Variants in DDHD1 observed in about 807,000 individuals in gnomAD.
DDHD1 encodes the protein phospholipase DDHD1.
Under a neutral mutation model 96.4 loss-of-function variants are expected in DDHD1, and 49 were observed. The ratio of observed to expected loss-of-function variants is 0.51; its 90% CI spans 0.40 to 0.64. The LOEUF (loss-of-function observed/expected upper bound fraction) is 0.64, where lower values mean the gene tolerates loss of function less well. Ranked by LOEUF, DDHD1 falls within the 30% of genes least tolerant of loss-of-function variation. The pLI is 0.00. For missense variants in DDHD1, 1,106 were observed against 1,161.2 expected (o/e 0.95, Z 0.69); for synonymous variants, 442 against 446.5 (o/e 0.99, Z 0.13).
At chr14:53,072,849 C>G in intron 5 of DDHD1, 146 bp from the exon 6 acceptor site, 1 of 453,564 alleles carries the variant, frequency 2.2e-6, no homozygotes, top group Non-Finnish European at 4.0e-6. Flanking sequence ...TCTAATGGAT[C>G]TTCCCTTCCT....
At chr14:53,082,798 T>C (rs1054089066) in intron 4 of DDHD1, among the ~76,000 whole-genome samples, 3 of 150,652 alleles carry the variant, frequency 2.0e-5, no homozygotes, top group Non-Finnish European at 4.4e-5. Flanking sequence ...TGCTTCATTG[T>C]CCAATGCTGC....
At chr14:53,115,929 T>C (rs951964654) in intron 1 of DDHD1, among the ~76,000 whole-genome samples, 2 of 152,080 alleles carry the variant, frequency 1.3e-5, no homozygotes, top group African/African-American at 4.8e-5. Context: ...AGATACAGAC[T>C]GGAAAACTGG....
At chr14:53,145,951 A>T (rs2139903548) in intron 1 of DDHD1, among the ~76,000 whole-genome samples, 1 of 152,332 alleles carries the variant, frequency 6.6e-6, no homozygotes, top group African/African-American at 2.4e-5. Flanking sequence ...TCATGCCTGT[A>T]ATCCCAGCAC....
intron 1 of DDHD1, among the ~76,000 whole-genome samples, chr14:53,146,931 GTTTTTTTTT>G (rs1157662966): frequency 6.9e-6 from 1 of 144,948 alleles, no homozygotes. Flanking sequence ...AATGCTGACA[GTTTTTTTTT>G]TTTTTTTTTT....
chr14:53,100,317 A>C (rs1387900627), intron 2 of DDHD1, among the ~76,000 whole-genome samples: 3 of 151,916 alleles, frequency 2.0e-5, no homozygotes, highest in African/African-American at 2.4e-5. Context: ...CTCTACAAAA[A>C]ATTTAAAAAA....
intron 10 of DDHD1, 63 bp downstream of exon 10, chr14:53,055,597 C>T: frequency 2.2e-6 from 3 of 1,384,090 alleles, no homozygotes; most frequent in Middle Eastern, 1.8e-4. Context: ...ACTTCTAGTC[C>T]CCCAAACTTA....
chr14:53,043,782 A>C lies in DDHD1; in HGVS notation c.*2986T>G, dbSNP rs1435940604. 3 of 152,206 alleles carry C rather than the reference A, an allele frequency of 2.0e-5. No homozygotes were observed. Among genetic ancestry groups the C allele is most frequent in the Non-Finnish European group, 4.4e-5 (3 of 68,032 alleles). 9.4% of individuals were successfully genotyped at this position (152,206 alleles called of 1,614,324 possible). ...TAAAACACAGAAACACTGGATTATAAACAAGATTACTGTTGAAAAGAAAGT... is the reference window on the plus strand; with the variant it reads ...TAAAACACAGAAACACTGGATTATACACAAGATTACTGTTGAAAAGAAAGT... On this transcript the variant is annotated 3_prime_UTR_variant, in exon 13 of 13. Transcript: ENST00000673822.
At chr14:53,095,520 T>C (rs1181773558) in intron 2 of DDHD1, among the ~76,000 whole-genome samples, 1 of 152,156 alleles carries the variant, frequency 6.6e-6, no homozygotes, top group East Asian at 1.9e-4. Flanking sequence ...ACTTCAGAAG[T>C]TTATGAAAAA....
At chr14:53,071,868 A>G (rs978294592) in intron 6 of DDHD1, among the ~76,000 whole-genome samples, 1 of 152,126 alleles carries the variant, frequency 6.6e-6, no homozygotes, top group Admixed American at 6.6e-5. Flanking sequence ...GAGAAGCAGT[A>G]AACAGAGTAA....
At position 53,152,434 on chromosome 14, in the gene DDHD1, G is replaced by A; in HGVS notation, c.665C>T (p.Ala222Val). Reference protein sequence around the residue: ...GDHVCSPTGPASSSGEDDDED... With the variant: ...GDHVCSPTGPVSSSGEDDDED... ...ATCGTCATCTTCTCCGGAACTGGAGGCTGGGCCCGTGGGGGAGCACACATG... is the reference window on the plus strand; with the variant it reads ...ATCGTCATCTTCTCCGGAACTGGAGACTGGGCCCGTGGGGGAGCACACATG... Residue 222 changes from alanine to valine, a missense_variant, in exon 1 of 13, where the codon GCC (alanine) becomes GTC (valine). Physicochemically the swap from Ala to Val is moderately conservative, Grantham distance 64 (BLOSUM62 0). Coordinates refer to ENST00000673822, the MANE Select transcript of DDHD1 (RefSeq NM_001160148.2). 1.2e-6 allele frequency: 2 copies of A among 1,613,672 alleles called. No individual in the cohort carries two copies. The highest frequency in any genetic ancestry group is 1.7e-6 in the Non-Finnish European group (2 of 1,179,936).
intron 11 of DDHD1, chr14:53,052,675 T>C (rs544040877): frequency 3.3e-5 from 5 of 152,050 alleles, no homozygotes; most frequent in Non-Finnish European, 7.4e-5. Flanking sequence ...AGAATCTTAT[T>C]ATAATAGTCC....
intron 4 of DDHD1, 109 bp from the exon 5 acceptor site, chr14:53,073,956 T>C (rs1595125226): frequency 4.1e-6 from 4 of 966,016 alleles, no homozygotes; most frequent in South Asian, 1.7e-5. Context: ...CATTTGCTTA[T>C]AGCTTTGTCC....
chr14:53,116,665 T>C (rs1174194896), intron 1 of DDHD1, among the ~76,000 whole-genome samples: 1 of 152,154 alleles, frequency 6.6e-6, no homozygotes, highest in African/African-American at 2.4e-5. Context: ...AAGAAGTTCT[T>C]TGAAACCAAT....
rs965991674 is a variant in DDHD1, at chr14:53,139,466, T to C, written c.838+12795A>G. Reference sequence around the variant, plus strand: ...CTACTCGAAATGCAAGGCAATGCTATGGGAATTTGAAGCCTGTGGTGCACT... The same window carrying C: ...CTACTCGAAATGCAAGGCAATGCTACGGGAATTTGAAGCCTGTGGTGCACT... On this transcript the variant is annotated intron_variant, in intron 1 of 12. Coordinates refer to ENST00000673822, the MANE Select transcript of DDHD1 (RefSeq NM_001160148.2). 5.9e-5 allele frequency among the ~76,000 whole-genome samples: 9 copies of C among 152,182 alleles called. No homozygotes were observed. The East Asian group carries it at 1.2e-3, about 19-fold the overall frequency.
rs1319088598 is a variant in DDHD1 at position 53,040,599 on chromosome 14, CT to C, written c.*6168del. On this transcript the variant is annotated 3_prime_UTR_variant, in exon 13 of 13. Transcript: ENST00000673822. ...TTAAATGTGCATGCACCAGTTCCAGCTGAGAAAATCAGAACTGGACAATGCC... is the reference window on the plus strand; with the variant it reads ...TTAAATGTGCATGCACCAGTTCCAGCGAGAAAATCAGAACTGGACAATGCC... The C allele has an allele frequency of 6.6e-6, 1 of 152,168 alleles. No individual in the cohort carries two copies. The highest frequency in any genetic ancestry group is 2.4e-5 in the African/African-American group (1 of 41,448). The allele number at this position is 152,168 out of a possible 1,614,324, so 9.4% of individuals were successfully genotyped here.
At chr14:53,069,724 A>G (rs146597394) in intron 6 of DDHD1, among the ~76,000 whole-genome samples, 37 of 152,288 alleles carry the variant, frequency 2.4e-4, no homozygotes, top group African/African-American at 8.7e-4. Flanking sequence ...AAATTGTTGA[A>G]TTTACAATGG....
chr14:53,105,727 C>T (rs917844631), intron 1 of DDHD1, among the ~76,000 whole-genome samples: 4 of 152,018 alleles, frequency 2.6e-5, no homozygotes, highest in African/African-American at 9.7e-5. Context: ...CTTTATAAAG[C>T]CATTTGAACA....
chr14:53,039,961 A>G lies in DDHD1; in HGVS notation c.*6807T>C, dbSNP rs1022926315. On this transcript the variant is annotated 3_prime_UTR_variant, in exon 13 of 13. Transcript: ENST00000673822. ...GTACACTGTCCCATCTCAATTCTACATGTAGTCCTTATAGCCTGGCCACGT... is the reference window on the plus strand; with the variant it reads ...GTACACTGTCCCATCTCAATTCTACGTGTAGTCCTTATAGCCTGGCCACGT... The G allele has an allele frequency of 1.3e-5, 2 of 152,158 alleles. No homozygotes were observed. Among genetic ancestry groups the G allele is most frequent in the African/African-American group, 4.8e-5 (2 of 41,404 alleles). The allele number at this position is 152,158 out of a possible 1,614,324, so 9.4% of individuals were successfully genotyped here.
intron 4 of DDHD1, among the ~76,000 whole-genome samples, chr14:53,075,704 A>C (rs1313972916): frequency 3.3e-5 from 5 of 152,208 alleles, no homozygotes; most frequent in Non-Finnish European, 7.3e-5. Context: ...TCCTGGCTTC[A>C]AAGCTTCAAA....
Sources: gnomAD v4.1 joint callset for allele counts (sites outside exome capture counted in the v4.1 genomes callset) on GRCh38, gnomAD v4.1.1 for gene constraint, MANE v1.5 for transcripts, NCBI Gene and HGNC (gene_info 2026-07-23, HGNC 2026-07-21) for gene names.